Variants in TMC8 observed in about 807,000 individuals in gnomAD.
The protein encoded by TMC8 is transmembrane channel-like protein 8.
Under a neutral mutation model 76.0 loss-of-function variants are expected in TMC8, and 71 were observed. The observed-to-expected ratio is 0.93, with a 90% CI of 0.77 to 1.14. The LOEUF is 1.14. Among genes scored for constraint, TMC8 ranks in the 50% most tolerant of loss-of-function variants. The pLI is 0.00. For missense variants in TMC8, 924 were observed against 947.9 expected (o/e 0.97, Z 0.33); for synonymous variants, 433 against 433.8 (o/e 1.00, Z 0.02).
chr17:78,131,374 G>T lies in TMC8; in HGVS notation c.-215G>T. On this transcript the variant is annotated 5_prime_UTR_variant, in exon 2 of 16. It introduces an in-frame stop codon into an upstream open reading frame of the 5' UTR. Coordinates refer to ENST00000318430, the MANE Select transcript of TMC8 (RefSeq NM_152468.5). The stretch of plus-strand genomic sequence containing the variant: ...CGCAGCAGGATTCTCTCTCATTTCT[G>T]AGCCCCGGAGGTGGCAGAGCGGCAG... The T allele has an allele frequency of 3.1e-6, 2 of 645,240 alleles. No individual in the cohort carries two copies. Among genetic ancestry groups the T allele is most frequent in the Non-Finnish European group, 5.3e-6 (2 of 376,318 alleles). The allele number at this position is 645,240 out of a possible 1,614,324, so 40.0% of individuals were successfully genotyped here.
intron 1 of TMC8, 35 bp from the exon 2 acceptor site, chr17:78,131,227 CCTGTGCCGGTCCAGACTTT>C: frequency 2.5e-6 from 1 of 397,396 alleles, no homozygotes; most frequent in Non-Finnish European, 4.7e-6. Context: ...GCTTTCTTTG[CCTGTGCCGGTCCAGACTTT>C]CTGTGCCCTT....
At chr17:78,136,852 A>C (rs2075246090) in intron 9 of TMC8, 1 of 342,106 alleles carries the variant, frequency 2.9e-6, no homozygotes, top group African/African-American at 2.1e-5. Flanking sequence ...ACCTGAGGTC[A>C]GGAGTTCGAG....
In TMC8 at chr17:78,138,666, T is replaced by C. The variant is rs1449491940; in HGVS notation, c.1757T>C (p.Ile586Thr). The C allele has an allele frequency of 2.5e-6, 4 of 1,613,554 alleles. No individual in the cohort carries two copies. Among genetic ancestry groups the C allele is most frequent in the Non-Finnish European group, 2.5e-6 (3 of 1,180,038 alleles). ...PELVALGLPP[I>T]GQRALHYLGS... ...CTGGTGGCCCTTGGGCTCCCGCCCA[T>C]TGGCCAGCGTGCCCTCCACTACCTG... The change falls in exon 14 of 16, where the codon ATT (isoleucine) becomes ACT (threonine). Residue 586 changes from isoleucine to threonine, a missense_variant. Coordinates refer to ENST00000318430, the MANE Select transcript of TMC8 (RefSeq NM_152468.5).
chr17:78,134,801 C>T lies in TMC8; in HGVS notation c.988-69C>T, dbSNP rs1442025954. Reference sequence around the variant, plus strand: ...TGCCCCAGAGTTACACTTTAGGGCACTGTGGGGGGCGGGGAGCAGACAGGG... The same window carrying T: ...TGCCCCAGAGTTACACTTTAGGGCATTGTGGGGGGCGGGGAGCAGACAGGG... On this transcript the variant is annotated intron_variant, in intron 8 of 15. Transcript: ENST00000318430. The T allele has an allele frequency of 3.1e-6, 5 of 1,606,556 alleles. No individual in the cohort carries two copies. In the African/African-American group the frequency reaches 4.0e-5, roughly 13 times the overall value.
chr17:78,132,884 G>C lies in TMC8; in HGVS notation c.531+14G>C, dbSNP rs1162661512. 6.2e-7 allele frequency: 1 copy of C among 1,614,036 alleles called. No homozygotes were observed. The highest frequency in any genetic ancestry group is 8.5e-7 in the Non-Finnish European group (1 of 1,179,880). ...TTGACTGGCAGGGTGAGTGAGGTCT[G>C]TCCCGGCTATGGTCCAGAGTCTGGG... On this transcript the variant is annotated intron_variant, in intron 5 of 15. Coordinates refer to ENST00000318430, the MANE Select transcript of TMC8 (RefSeq NM_152468.5).
At chr17:78,133,599 C>G (rs60469904) in intron 6 of TMC8, 57 bp downstream of exon 6, 16 of 1,601,752 alleles carry the variant, frequency 1.0e-5, no homozygotes, top group Non-Finnish European at 1.4e-5. Context: ...CTGATCACCC[C>G]TTCCTTGGCA....
intron 9 of TMC8, among the ~76,000 whole-genome samples, chr17:78,135,977 CCAGGAGA>C: frequency 6.6e-6 from 1 of 152,276 alleles, no homozygotes; most frequent in East Asian, 1.9e-4. Flanking sequence ...TCACTCGAAC[CCAGGAGA>C]CAGATGTTGC....
rs112167286 is a variant in TMC8, at chr17:78,133,724, C to T, written c.669-129C>T. On this transcript the variant is annotated intron_variant, in intron 6 of 15. Coordinates refer to ENST00000318430, the MANE Select transcript of TMC8 (RefSeq NM_152468.5). ...GGAACAGGGCCACCGCCCCCTACCC[C>T]GACTCCTCACTCACCAGGACCTGCA... 2,537 of 1,533,444 alleles carry T rather than the reference C, an allele frequency of 1.7e-3. 39 individuals are homozygous for T. In the African/African-American group the frequency reaches 0.03, roughly 18 times the overall value. The allele number at this position is 1,533,444 out of a possible 1,614,324, so 95.0% of individuals were successfully genotyped here.
At position 78,133,547 on chromosome 17, in the gene TMC8, G is replaced by T; in HGVS notation, c.668+5G>T. 6.2e-7 allele frequency: 1 copy of T among 1,610,882 alleles called. No individual in the cohort carries two copies. ...CTTCTGTGGGACTCTGCGGCGGTGAGAGCGAGGTCCACACCTTCACCCCTT... is the reference window on the plus strand; with the variant it reads ...CTTCTGTGGGACTCTGCGGCGGTGATAGCGAGGTCCACACCTTCACCCCTT... On this transcript the variant is annotated splice_donor_5th_base_variant and intron_variant, in intron 6 of 15. Coordinates refer to ENST00000318430, the MANE Select transcript of TMC8 (RefSeq NM_152468.5).
Position 78,141,248 on chromosome 17 carries a change from A to G in TMC8, c.*136A>G. The G allele has an allele frequency of 2.3e-6, 1 of 430,630 alleles. No individual in the cohort carries two copies. The highest frequency in any genetic ancestry group is 4.1e-6 in the Non-Finnish European group (1 of 245,830). 26.7% of individuals were successfully genotyped at this position (430,630 alleles called of 1,614,324 possible). A position where few individuals can be genotyped will look rare whatever the true frequency, so the allele number is the denominator to read the frequency against. On this transcript the variant is annotated 3_prime_UTR_variant, in exon 16 of 16. Transcript: ENST00000318430. ...CAGAGGTCCCCAAAGATGGACACAC[A>G]ACCCCAGCGGCAGCAGGAAAAACAT...
chr17:78,133,725 G>A (rs967100438), intron 6 of TMC8, 128 bp from the exon 7 acceptor site: 26 of 1,537,276 alleles, frequency 1.7e-5, no homozygotes, highest in South Asian at 1.4e-4. Context: ...CCCCTACCCC[G>A]ACTCCTCACT....
chr17:78,140,965 C>T lies in TMC8; in HGVS notation c.2034C>T (p.Cys678=). The change falls in exon 16 of 16, where the codon TGC becomes TGT. Residue 678 remains cysteine, a synonymous_variant. Coordinates refer to ENST00000318430, the MANE Select transcript of TMC8 (RefSeq NM_152468.5). Reference sequence around the variant, plus strand: ...GCCCGCAGTCCTTCTGCCCCGGATGCCCATGCCCTGGCTCCCCGGGCCACC... The same window carrying T: ...GCCCGCAGTCCTTCTGCCCCGGATGTCCATGCCCTGGCTCCCCGGGCCACC... ...ASRPQSFCPG[C]PCPGSPGHQA... is the part of the protein sequence containing the mutation. 1 of 1,593,912 alleles carries T rather than the reference C, an allele frequency of 6.3e-7. No individual in the cohort carries two copies. Among genetic ancestry groups the T allele is most frequent in the South Asian group, 1.1e-5 (1 of 88,788 alleles).
At chr17:78,132,160 C>A in intron 3 of TMC8, 130 bp downstream of exon 3, 2 of 1,440,736 alleles carry the variant, frequency 1.4e-6, no homozygotes, top group South Asian at 2.5e-5. Context: ...CCTCCCCCCT[C>A]CCACCCCTTC....
Position 78,132,407 on chromosome 17 carries a change from T to C in TMC8, c.347T>C (p.Leu116Pro). Reference sequence around the variant, plus strand: ...TCCTACTTCACCTTCCTCCGCTTCCTGCTGCTACTCAACCTGCTGAGCCTG... The same window carrying C: ...TCCTACTTCACCTTCCTCCGCTTCCCGCTGCTACTCAACCTGCTGAGCCTG... ...IRSYFTFLRF[L>P]LLLNLLSLLL... Residue 116 changes from leucine to proline, a missense_variant, in exon 4 of 16, where the codon CTG (leucine) becomes CCG (proline). Transcript: ENST00000318430. The C allele has an allele frequency of 1.2e-6, 2 of 1,613,028 alleles. No homozygotes were observed. Among genetic ancestry groups the C allele is most frequent in the Non-Finnish European group, 1.7e-6 (2 of 1,179,722 alleles).
chr17:78,134,265 C>G, intron 7 of TMC8, 129 bp from the exon 8 acceptor site: 2 of 1,190,204 alleles, frequency 1.7e-6, no homozygotes, highest in South Asian at 2.6e-5. Flanking sequence ...GGGAGCATGA[C>G]AGTGTGAGAG....
In TMC8 at chr17:78,138,566, C is replaced by G. The variant is rs1598923439; in HGVS notation, c.1665-8C>G. 6.2e-7 allele frequency: 1 copy of G among 1,613,818 alleles called. No homozygotes were observed. Among genetic ancestry groups the G allele is most frequent in the Non-Finnish European group, 8.5e-7 (1 of 1,180,024 alleles). On this transcript the variant is annotated splice_region_variant and splice_polypyrimidine_tract_variant and intron_variant, in intron 13 of 15. Transcript: ENST00000318430. ...TGATGCCAGCCCCACTTGGCCATCT[C>G]TCGCCAGCATCCACTCCTCCTGGGA...
chr17:78,137,693 G>C (rs371011185), intron 10 of TMC8, 24 bp from the exon 11 acceptor site: 8 of 1,604,076 alleles, frequency 5.0e-6, no homozygotes, highest in Non-Finnish European at 6.8e-6. Context: ...GAGTGGTGAC[G>C]GGTCCCCTTC....
At position 78,131,610 on chromosome 17, in the gene TMC8, T is replaced by C; in HGVS notation, c.22T>C (p.Ser8Pro). 1.9e-6 allele frequency: 3 copies of C among 1,548,684 alleles called. No individual in the cohort carries two copies. Among genetic ancestry groups the C allele is most frequent in the Non-Finnish European group, 2.6e-6 (3 of 1,147,714 alleles). MLLPRSV[S>P]SERAPGVPEP... The stretch of plus-strand genomic sequence containing the variant: ...CGAGATGCTGCTGCCGCGGTCGGTG[T>C]CATCGGAGCGGGCCCCTGGGGTGCC... Residue 8 changes from serine to proline, a missense_variant, in exon 2 of 16, where the codon TCA becomes CCA. Ser to Pro is a moderately conservative substitution (Grantham distance 74). Transcript: ENST00000318430.
At chr17:78,139,056 A>G in intron 14 of TMC8, 106 bp from the exon 15 acceptor site, 1 of 1,581,354 alleles carries the variant, frequency 6.3e-7, no homozygotes, top group Non-Finnish European at 8.6e-7. Flanking sequence ...CAGTGAGAAG[A>G]CCCCAGTACC....
Sources: gnomAD v4.1 joint callset for allele counts (sites outside exome capture counted in the v4.1 genomes callset) on GRCh38, gnomAD v4.1.1 for gene constraint, MANE v1.5 for transcripts, NCBI Gene and HGNC (gene_info 2026-07-23, HGNC 2026-07-21) for gene names.